The following CECR2 variants were observed in gnomAD, a reference collection of about 807,000 sequenced individuals.
CECR2 encodes the protein chromatin remodeling regulator CECR2.
A neutral mutation model predicts 154.5 loss-of-function variants in CECR2; 30 were observed. The ratio of observed to expected loss-of-function variants is 0.19; its 90% CI spans 0.15 to 0.26. The LOEUF (loss-of-function observed/expected upper bound fraction) is 0.26. Ranked by LOEUF, CECR2 falls within the 10% of genes least tolerant of loss-of-function variation. The pLI is 1.00. For synonymous variants in CECR2, 725 were observed against 683.7 expected (o/e 1.06, Z -0.94); for missense variants, 1,743 against 1,829.3 (o/e 0.95, Z 0.86).
At chr22:17,363,921 C>G (rs1208918033) in intron 1 of CECR2, among the ~76,000 whole-genome samples, 1 of 152,144 alleles carries the variant, frequency 6.6e-6, no homozygotes, top group Non-Finnish European at 1.5e-5. Flanking sequence ...AGGTGTGAAC[C>G]ACTATGCCCA....
Position 17,503,064 on chromosome 22 carries a change from CT to C in CECR2, c.651-13del. 1.2e-6 allele frequency: 2 copies of C among 1,608,076 alleles called. No individual in the cohort carries two copies. The highest frequency in any genetic ancestry group is 1.7e-6 in the Non-Finnish European group (2 of 1,177,108). Reference sequence around the variant, plus strand: ...CCTGTCTTTGTTTTAATTGGCACCTCTTTTTCCTGTGTTTCAGTGAAAAGCA... The same window carrying C: ...CCTGTCTTTGTTTTAATTGGCACCTCTTTTCCTGTGTTTCAGTGAAAAGCA... On this transcript the variant is annotated splice_polypyrimidine_tract_variant and intron_variant, in intron 5 of 18. Transcript: ENST00000262608.
intron 1 of CECR2, among the ~76,000 whole-genome samples, chr22:17,362,425 C>T (rs2062981567): frequency 6.6e-6 from 1 of 152,244 alleles, no homozygotes; most frequent in South Asian, 2.1e-4. Flanking sequence ...ATACAGTAGC[C>T]ACTAACCACA....
chr22:17,443,176 T>TC (rs1201449231), intron 1 of CECR2, among the ~76,000 whole-genome samples: 1 of 152,164 alleles, frequency 6.6e-6, no homozygotes, highest in Non-Finnish European at 1.5e-5. Flanking sequence ...ATTCTACAAA[T>TC]CCTTAAATCC....
chr22:17,500,656 T>G lies in CECR2; in HGVS notation c.571T>G (p.Ser191Ala), dbSNP rs778549084. 10 of 1,555,048 alleles carry G rather than the reference T, an allele frequency of 6.4e-6. No homozygotes were observed. Among genetic ancestry groups the G allele is most frequent in the Middle Eastern group, 1.7e-4 (1 of 5,994 alleles). The stretch of plus-strand genomic sequence containing the variant: ...GGAAAGTGAAGGACAAAAAAATGTC[T>G]CAAGTATTCCTGGAAAAACGGGAAA... Reference protein sequence around the residue: ...SRESEGQKNVSSIPGKTGKRR... With the variant: ...SRESEGQKNVASIPGKTGKRR... The change falls in exon 5 of 19, where the codon TCA (serine) becomes GCA (alanine). Residue 191 changes from serine (S) to alanine (A), a missense_variant. Physicochemically the swap from Ser to Ala is moderately conservative, Grantham distance 99. Coordinates refer to ENST00000262608, the MANE Select transcript of CECR2 (RefSeq NM_001290047.2).
rs150218456 is a variant in CECR2 at position 17,460,353 on chromosome 22, G to A, written c.127-17235G>A. Reference sequence around the variant, plus strand: ...GCCTCCCGACTAGCTGGGATTACAGGTGCGTGCCACCATGCCCGGCTAAGT... The same window carrying A: ...GCCTCCCGACTAGCTGGGATTACAGATGCGTGCCACCATGCCCGGCTAAGT... On this transcript the variant is annotated intron_variant, in intron 1 of 18. Transcript: ENST00000262608. 5.6e-3 allele frequency among the ~76,000 whole-genome samples: 847 copies of A among 152,260 alleles called. 11 individuals carry two copies. Among genetic ancestry groups the A allele is most frequent in the African/African-American group, 0.02 (812 of 41,540 alleles).
chr22:17,552,249 T>C (rs1488082091), intron 18 of CECR2, 107 bp downstream of exon 18: 1 of 990,106 alleles, frequency 1.0e-6, no homozygotes, highest in Non-Finnish European at 1.5e-6. Context: ...ATCCTGTGGA[T>C]ACAGGAACTT....
rs1292705407 is a variant in CECR2 at position 17,556,000 on chromosome 22, A to G, written c.*3160A>G. The G allele has an allele frequency of 6.6e-6, 1 of 152,214 alleles. No homozygotes were observed. The highest frequency in any genetic ancestry group is 1.5e-5 in the Non-Finnish European group (1 of 68,032). 9.4% of individuals were successfully genotyped at this position (152,214 alleles called of 1,614,324 possible). On this transcript the variant is annotated 3_prime_UTR_variant, in exon 19 of 19. Transcript: ENST00000262608. ...TGTTTTCCCCTCAGAATTAAAAAAT[A>G]GTTTTTAATTCAGCTACTTTTTCCC...
At position 17,475,692 on chromosome 22, in the gene CECR2, TG is replaced by T. The variant is rs551783588; in HGVS notation, c.127-1893del. On this transcript the variant is annotated intron_variant, in intron 1 of 18. Coordinates refer to ENST00000262608, the MANE Select transcript of CECR2 (RefSeq NM_001290047.2). ...ACTTACCTATCAAATGAGATTGGCCTGGGAGTTTTGGCTTTGAAGATTTTGC... is the reference window on the plus strand; with the variant it reads ...ACTTACCTATCAAATGAGATTGGCCTGGAGTTTTGGCTTTGAAGATTTTGC... Among the ~76,000 whole-genome samples, 71 of 152,302 alleles carry T rather than the reference TG, an allele frequency of 4.7e-4. 1 individual carries two copies. In the Middle Eastern group the frequency reaches 0.01, roughly 22 times the overall value.
chr22:17,446,500 G>A (rs566049967), intron 1 of CECR2, among the ~76,000 whole-genome samples: 4 of 152,234 alleles, frequency 2.6e-5, no homozygotes, highest in African/African-American at 7.2e-5. Flanking sequence ...GGCGGATCAC[G>A]AGGTCAGGGG....
intron 1 of CECR2, among the ~76,000 whole-genome samples, chr22:17,430,966 G>T (rs1239181091): frequency 6.6e-6 from 1 of 152,186 alleles, no homozygotes; most frequent in Non-Finnish European, 1.5e-5. Context: ...TGCCTCGTCT[G>T]TGAGTGCCCT....
chr22:17,414,131 C>T (rs898746289), intron 1 of CECR2, among the ~76,000 whole-genome samples: 1 of 151,558 alleles, frequency 6.6e-6, no homozygotes, highest in African/African-American at 2.4e-5. Flanking sequence ...TGCCACCACG[C>T]CTGGCTAATT....
At chr22:17,452,768 A>G (rs1047569205) in intron 1 of CECR2, among the ~76,000 whole-genome samples, 3 of 152,116 alleles carry the variant, frequency 2.0e-5, no homozygotes, top group African/African-American at 2.4e-5. Context: ...CTAAGCAGGG[A>G]AGGTAATTTT....
At chr22:17,510,759 G>A (rs2055932047) in intron 7 of CECR2, among the ~76,000 whole-genome samples, 1 of 152,054 alleles carries the variant, frequency 6.6e-6, no homozygotes, top group Admixed American at 6.6e-5. Flanking sequence ...GCACCACCAT[G>A]CCTGGCTAAT....
chr22:17,542,760 G>C lies in CECR2; in HGVS notation c.2617G>C (p.Val873Leu), dbSNP rs574882726. The C allele has an allele frequency of 1.7e-4, 277 of 1,613,970 alleles. No homozygotes were observed. Among genetic ancestry groups the C allele is most frequent in the Middle Eastern group, 6.6e-4 (4 of 6,062 alleles). Reference protein sequence around the residue: ...FGAPAQALRGVQGGDSMMDSP... With the variant: ...FGAPAQALRGLQGGDSMMDSP... ...AGCACCTGCCCAGGCTCTTCGGGGG[G>C]TGCAGGGAGGGGACTCCATGATGGA... is the stretch of plus-strand genomic sequence containing the variant. The change falls in exon 16 of 19, where the codon GTG becomes CTG. Residue 873 changes from valine to leucine, a missense_variant. Around this residue, in one of 4 missense-constraint regions of CECR2, gnomAD observed 1,250 missense variants for 1,192.1 expected, o/e 1.05. Coordinates refer to ENST00000262608, the MANE Select transcript of CECR2 (RefSeq NM_001290047.2).
chr22:17,511,720 A>G (rs1287378227), intron 7 of CECR2, 93 bp from the exon 8 acceptor site: 6 of 1,102,740 alleles, frequency 5.4e-6, no homozygotes, highest in Non-Finnish European at 8.1e-6. Context: ...CTCATTGGCC[A>G]CTTTTTTACT....
At chr22:17,500,567 T>C in intron 4 of CECR2, 64 bp from the exon 5 acceptor site, 2 of 1,231,794 alleles carry the variant, frequency 1.6e-6, no homozygotes, top group South Asian at 1.5e-5. Context: ...AAATACTGTT[T>C]TAAAATCATA....
intron 9 of CECR2, among the ~76,000 whole-genome samples, chr22:17,533,302 AAC>A (rs2056387460): frequency 6.7e-6 from 1 of 148,706 alleles, no homozygotes; most frequent in African/African-American, 2.5e-5. Flanking sequence ...CAGCCTGAGC[AAC>A]AGAGTGAGAC....
chr22:17,552,803 A>G (rs200736645), intron 18 of CECR2, 32 bp from the exon 19 acceptor site: 2 of 1,063,572 alleles, frequency 1.9e-6, no homozygotes, highest in African/African-American at 2.4e-5. Flanking sequence ...CCCAATTTTT[A>G]TTTTTGTTTA....
At chr22:17,512,734 A>C (rs201418744) in intron 8 of CECR2, among the ~76,000 whole-genome samples, 1 of 150,696 alleles carries the variant, frequency 6.6e-6, no homozygotes, top group East Asian at 1.9e-4. Context: ...AGAAAGAAAG[A>C]AAAGAAAACC....
Sources: allele counts gnomAD v4.1 joint callset (sites outside exome capture counted in the v4.1 genomes callset), GRCh38; gene constraint gnomAD v4.1.1; regional missense constraint gnomAD v4.1.1; transcripts MANE v1.5; gene names NCBI Gene and HGNC (gene_info 2026-07-23, HGNC 2026-07-21).